Variants in LUZP2 observed in about 807,000 individuals in gnomAD.
LUZP2 encodes leucine zipper protein 2.
LUZP2 carries 52 observed loss-of-function variants against 51.6 expected under a neutral mutation model. The observed-to-expected ratio is 1.01, with a 90% CI of 0.81 to 1.27. The LOEUF is 1.27. Among genes scored for constraint, LUZP2 ranks in the 50% most tolerant of loss-of-function variants. The pLI is 0.00. For missense variants in LUZP2, 436 were observed against 395.4 expected, an observed-to-expected ratio of 1.10 and a Z score of -0.87; for synonymous variants, 154 against 137.3, an observed-to-expected ratio of 1.12 and a Z score of -0.85.
chr11:25,050,185 G>A (rs1474015753), intron 10 of LUZP2, 55 bp downstream of exon 10: 3 of 978,060 alleles, frequency 3.1e-6, no homozygotes, highest in Non-Finnish European at 4.5e-6. Context: ...AAAAGCACAA[G>A]CATTTTAGCA....
chr11:24,748,669 G>T (rs553801030), intron 4 of LUZP2, among the ~76,000 whole-genome samples: 2 of 152,086 alleles, frequency 1.3e-5, no homozygotes, highest in South Asian at 4.2e-4. Context: ...ATGTTGGCCG[G>T]GATGGTCTTG....
chr11:24,839,306 C>G (rs1229621738), intron 5 of LUZP2, among the ~76,000 whole-genome samples: 3 of 151,662 alleles, frequency 2.0e-5, no homozygotes, highest in African/African-American at 4.8e-5. Flanking sequence ...TCTGATTTCA[C>G]TGATAGTGTA....
rs537893864 is a variant in LUZP2, at chr11:24,649,786, T to G, written c.63-79383T>G. 6.6e-5 allele frequency among the ~76,000 whole-genome samples: 10 copies of G among 151,946 alleles called. No homozygotes were observed. In the South Asian group the frequency reaches 2.1e-3, roughly 32 times the overall value. ...GCCGTCCTCACATATAATCTCAAGTTGCTGATGATTTTTCAAGATGGGATA... is the reference window on the plus strand; with the variant it reads ...GCCGTCCTCACATATAATCTCAAGTGGCTGATGATTTTTCAAGATGGGATA... On this transcript the variant is annotated intron_variant, in intron 1 of 11. Coordinates refer to ENST00000336930, the MANE Select transcript of LUZP2 (RefSeq NM_001009909.4).
intron 7 of LUZP2, among the ~76,000 whole-genome samples, chr11:24,937,675 G>A (rs1190111351): frequency 1.3e-5 from 2 of 152,086 alleles, no homozygotes; most frequent in Non-Finnish European, 2.9e-5. Context: ...GCCGAGGTGG[G>A]CGGATCATGA....
intron 9 of LUZP2, among the ~76,000 whole-genome samples, chr11:24,985,723 A>ACTGGTTTGTTTCTAAC (rs1226706494): frequency 6.6e-6 from 1 of 151,730 alleles, no homozygotes; most frequent in African/African-American, 2.4e-5. Context: ...GGGAAGCCAA[A>ACTGGTTTGTTTCTAAC]CTGGTTTGTT....
chr11:24,548,388 C>T (rs910784840), intron 1 of LUZP2, among the ~76,000 whole-genome samples: 6 of 152,118 alleles, frequency 3.9e-5, no homozygotes, highest in South Asian at 2.1e-4. Flanking sequence ...AAAATGAGAT[C>T]GTGACCTTTG....
At chr11:24,977,021 A>C (rs952324768) in intron 8 of LUZP2, among the ~76,000 whole-genome samples, 4 of 151,844 alleles carry the variant, frequency 2.6e-5, no homozygotes, top group Non-Finnish European at 5.9e-5. Context: ...AGCAAAAGGA[A>C]GTAATTATTG....
intron 5 of LUZP2, among the ~76,000 whole-genome samples, chr11:24,796,491 C>CTGTGTGTGTGTG (rs57329413): frequency 2.4e-4 from 30 of 124,634 alleles, no homozygotes; most frequent in South Asian, 1.8e-3. Context: ...TAATAATAAT[C>CTGTGTGTGTGTG]TGTGTGTGTG....
intron 7 of LUZP2, among the ~76,000 whole-genome samples, chr11:24,952,841 C>T (rs1855115890): frequency 6.6e-6 from 1 of 151,692 alleles, no homozygotes; most frequent in Admixed American, 6.6e-5. Flanking sequence ...AGAAATGTAC[C>T]TCATGTTATG....
intron 9 of LUZP2, among the ~76,000 whole-genome samples, chr11:25,047,397 A>AT (rs56939257): frequency 0.58 from 62,546 of 107,896 alleles, 14,408 homozygotes; most frequent in East Asian, 0.81. Flanking sequence ...ATTTTTTTTA[A>AT]TTTTTTTTTT....
intron 1 of LUZP2, among the ~76,000 whole-genome samples, chr11:24,630,658 C>A (rs1370925010): frequency 7.0e-6 from 1 of 142,030 alleles, no homozygotes; most frequent in Non-Finnish European, 1.5e-5. Context: ...CTTGTAATGG[C>A]TTTGGCTATT....
At chr11:24,870,308 G>A (rs1015615422) in intron 5 of LUZP2, among the ~76,000 whole-genome samples, 2 of 152,100 alleles carry the variant, frequency 1.3e-5, no homozygotes, top group African/African-American at 2.4e-5. Flanking sequence ...AATTCTGAAT[G>A]CTTATGAAAT....
chr11:24,781,401 G>A (rs1200158125), intron 5 of LUZP2, among the ~76,000 whole-genome samples: 1 of 151,864 alleles, frequency 6.6e-6, no homozygotes, highest in African/African-American at 2.4e-5. Flanking sequence ...TTTAACCTCA[G>A]AGATATTTCT....
intron 1 of LUZP2, among the ~76,000 whole-genome samples, chr11:24,508,077 C>T (rs1590115578): frequency 6.6e-6 from 1 of 151,978 alleles, no homozygotes; most frequent in African/African-American, 2.4e-5. Context: ...GAGGTGATTA[C>T]TGATGTTGCC....
intron 1 of LUZP2, among the ~76,000 whole-genome samples, chr11:24,538,680 A>G (rs1246352337): frequency 1.3e-5 from 2 of 151,452 alleles, no homozygotes. Flanking sequence ...ATATATATAT[A>G]TAAAACTTTC....
chr11:24,700,180 G>A (rs531967778), intron 1 of LUZP2, among the ~76,000 whole-genome samples: 1 of 148,844 alleles, frequency 6.7e-6, no homozygotes, highest in Non-Finnish European at 1.5e-5. Flanking sequence ...TCTTGCCTCA[G>A]CCTCCCCAGT....
intron 5 of LUZP2, among the ~76,000 whole-genome samples, chr11:24,852,141 C>T (rs1851415541): frequency 6.6e-6 from 1 of 152,020 alleles, no homozygotes; most frequent in Non-Finnish European, 1.5e-5. Flanking sequence ...TTCTTGTCTT[C>T]TGCTAGCTTT....
chr11:24,646,332 A>T (rs1855461396), intron 1 of LUZP2, among the ~76,000 whole-genome samples: 1 of 152,054 alleles, frequency 6.6e-6, no homozygotes, highest in South Asian at 2.1e-4. Context: ...AATATAAGAG[A>T]GTTTTAAATT....
intron 1 of LUZP2, among the ~76,000 whole-genome samples, chr11:24,512,673 T>TA (rs1850347167): frequency 6.6e-6 from 1 of 152,170 alleles, no homozygotes; most frequent in Non-Finnish European, 1.5e-5. Flanking sequence ...AGTTCAACGT[T>TA]ACTTTTTGTA....
Sources: gnomAD v4.1 joint callset for allele counts (sites outside exome capture counted in the v4.1 genomes callset) on GRCh38, gnomAD v4.1.1 for gene constraint, MANE v1.5 for transcripts, NCBI Gene and HGNC (gene_info 2026-07-23, HGNC 2026-07-21) for gene names.